MACROD2: variants seen among roughly 807,000 people sequenced by gnomAD.
MACROD2 encodes the protein mono-ADP ribosylhydrolase 2.
MACROD2 carries 36 observed loss-of-function variants against 70.4 expected under a neutral mutation model. The ratio of observed to expected loss-of-function variants is 0.51; its 90% CI spans 0.39 to 0.68. The LOEUF (loss-of-function observed/expected upper bound fraction) is 0.68, where lower values mean the gene tolerates loss of function less well. Ranked by LOEUF, MACROD2 falls within the 30% of genes least tolerant of loss-of-function variation. MACROD2 has a pLI of 0.00. For missense variants in MACROD2, 496 were observed against 538.4 expected, an observed-to-expected ratio of 0.92 and a Z score of 0.78; for synonymous variants, 172 against 178.8, an observed-to-expected ratio of 0.96 and a Z score of 0.30.
At chr20:15,941,971 C>G (rs2065756763) in intron 12 of MACROD2, among the ~76,000 whole-genome samples, 1 of 152,034 alleles carries the variant, frequency 6.6e-6, no homozygotes, top group Non-Finnish European at 1.5e-5. Context: ...GTATTGAAAA[C>G]AAACAAATAA....
chr20:15,650,834 T>C (rs1265679757), intron 8 of MACROD2, among the ~76,000 whole-genome samples: 1 of 152,158 alleles, frequency 6.6e-6, no homozygotes, highest in Non-Finnish European at 1.5e-5. Flanking sequence ...CCCTTGCGCT[T>C]GCCATTCCAC....
intron 3 of MACROD2, among the ~76,000 whole-genome samples, chr20:14,385,104 A>G (rs1033091698): frequency 6.6e-6 from 1 of 152,162 alleles, no homozygotes; most frequent in Non-Finnish European, 1.5e-5. Flanking sequence ...AAAACTTTTC[A>G]TTGTAAATGC....
chr20:14,238,639 A>T (rs964404487), intron 3 of MACROD2, among the ~76,000 whole-genome samples: 1 of 152,140 alleles, frequency 6.6e-6, no homozygotes, highest in Admixed American at 6.5e-5. Flanking sequence ...AGACAATATC[A>T]TTCTATTCCT....
intron 5 of MACROD2, among the ~76,000 whole-genome samples, chr20:15,098,721 G>A (rs1227498775): frequency 2.6e-5 from 4 of 152,190 alleles, no homozygotes; most frequent in Non-Finnish European, 5.9e-5. Flanking sequence ...GGTAGAACAG[G>A]GCTCACAGGA....
intron 5 of MACROD2, among the ~76,000 whole-genome samples, chr20:14,768,298 C>T (rs2072118461): frequency 1.3e-5 from 2 of 152,030 alleles, no homozygotes; most frequent in South Asian, 4.1e-4. Flanking sequence ...TCTCTAGCAT[C>T]TGTTGTTTCC....
At chr20:14,142,635 A>C (rs1056725132) in intron 3 of MACROD2, among the ~76,000 whole-genome samples, 1 of 152,174 alleles carries the variant, frequency 6.6e-6, no homozygotes, top group African/African-American at 2.4e-5. Flanking sequence ...GCTTTAAAAA[A>C]TTTGGTATCA....
At chr20:14,116,896 G>A (rs750955342) in intron 3 of MACROD2, among the ~76,000 whole-genome samples, 12 of 151,858 alleles carry the variant, frequency 7.9e-5, no homozygotes, top group East Asian at 5.8e-4. Flanking sequence ...GTGAAACCCC[G>A]TCTCTACTAA....
chr20:15,436,589 C>A (rs1284252830), intron 7 of MACROD2, among the ~76,000 whole-genome samples: 2 of 152,124 alleles, frequency 1.3e-5, no homozygotes, highest in African/African-American at 4.8e-5. Context: ...AAAATTATTT[C>A]ATATGTCCCT....
chr20:15,553,071 G>A (rs1346588562), intron 8 of MACROD2, among the ~76,000 whole-genome samples: 2 of 152,182 alleles, frequency 1.3e-5, no homozygotes, highest in African/African-American at 4.8e-5. Context: ...CTCTGCTGAG[G>A]GGAAGTGCAC....
chr20:14,227,193 G>A (rs6135097), intron 3 of MACROD2, among the ~76,000 whole-genome samples: 1 of 152,170 alleles, frequency 6.6e-6, no homozygotes, highest in Non-Finnish European at 1.5e-5. Flanking sequence ...GCACCAATCA[G>A]CGCCCTGTGG....
intron 8 of MACROD2, among the ~76,000 whole-genome samples, chr20:15,705,205 A>T (rs1337936528): frequency 6.6e-6 from 1 of 152,202 alleles, no homozygotes; most frequent in East Asian, 1.9e-4. Flanking sequence ...TCTAAATACC[A>T]GGTAAATTAA....
intron 5 of MACROD2, among the ~76,000 whole-genome samples, chr20:15,111,610 A>G (rs1271116368): frequency 1.3e-5 from 2 of 152,154 alleles, no homozygotes; most frequent in African/African-American, 2.4e-5. Flanking sequence ...CTGGGTCTAG[A>G]ATATGTTTGG....
intron 3 of MACROD2, among the ~76,000 whole-genome samples, chr20:14,215,983 TC>T (rs1332934405): frequency 6.6e-6 from 1 of 152,184 alleles, no homozygotes; most frequent in African/African-American, 2.4e-5. Flanking sequence ...TGCTGACTGT[TC>T]CTTTTGCTGT....
intron 5 of MACROD2, among the ~76,000 whole-genome samples, chr20:15,134,116 T>A (rs2076127499): frequency 6.9e-6 from 1 of 144,208 alleles, no homozygotes; most frequent in Admixed American, 6.9e-5. Context: ...CCGTGTTAGC[T>A]AGGATGGTCT....
At chr20:15,636,772 G>T (rs529284451) in intron 8 of MACROD2, among the ~76,000 whole-genome samples, 6 of 152,148 alleles carry the variant, frequency 3.9e-5, no homozygotes, top group African/African-American at 1.4e-4. Context: ...TCAACGCCGG[G>T]GTCCTATGAT....
chr20:14,478,067 G>A (rs1471308999), intron 3 of MACROD2, among the ~76,000 whole-genome samples: 2 of 152,138 alleles, frequency 1.3e-5, no homozygotes, highest in Admixed American at 1.3e-4. Flanking sequence ...TAGCATGCAG[G>A]ATATTACTCA....
chr20:14,608,753 A>G (rs1264046570), intron 4 of MACROD2, among the ~76,000 whole-genome samples: 1 of 152,132 alleles, frequency 6.6e-6, no homozygotes, highest in African/African-American at 2.4e-5. Flanking sequence ...TAAACAGTGA[A>G]TGGGGCTGTA....
At chr20:16,010,060 T>C (rs775112) in intron 15 of MACROD2, among the ~76,000 whole-genome samples, 31,757 of 152,184 alleles carry the variant, frequency 0.21, 3,425 homozygotes, top group South Asian at 0.3. Context: ...CTTACTGTAC[T>C]TGATTTTAAA....
chr20:15,506,030 G>A (rs571186800), intron 8 of MACROD2, among the ~76,000 whole-genome samples: 83 of 152,304 alleles, frequency 5.4e-4, no homozygotes, highest in Non-Finnish European at 1.0e-3. Context: ...TACAGATGTG[G>A]CAGGGGATCC....
Sources: allele counts gnomAD v4.1 joint callset (sites outside exome capture counted in the v4.1 genomes callset), GRCh38; gene constraint gnomAD v4.1.1; transcripts MANE v1.5; gene names NCBI Gene and HGNC (gene_info 2026-07-23, HGNC 2026-07-21).